The following ATP6V1C2 variants were observed in gnomAD, a reference collection of about 807,000 sequenced individuals.
The protein encoded by ATP6V1C2 is ATPase H+ transporting V1 subunit C2, also known as V-type proton ATPase subunit C 2.
A neutral mutation model predicts 56.8 loss-of-function variants in ATP6V1C2; 45 were observed. The observed-to-expected ratio is 0.79, with a 90% CI of 0.62 to 1.02. The LOEUF is 1.02. ATP6V1C2 is among the 50% of genes least tolerant of loss of function. The pLI, the probability that ATP6V1C2 is intolerant of heterozygous loss-of-function variation, is 0.00. For synonymous variants in ATP6V1C2, 220 were observed against 201.3 expected, an observed-to-expected ratio of 1.09 and a Z score of -0.79; for missense variants, 463 against 519.7, an observed-to-expected ratio of 0.89 and a Z score of 1.06.
At chr2:10,733,796 A>G (rs1374347771) in intron 3 of ATP6V1C2, among the ~76,000 whole-genome samples, 1 of 73,108 alleles carries the variant, frequency 1.4e-5, no homozygotes, top group Non-Finnish European at 2.3e-5. Flanking sequence ...GTGCTTGGTG[A>G]CCGTTGCTTG....
intron 3 of ATP6V1C2, among the ~76,000 whole-genome samples, chr2:10,735,040 G>A (rs1040307535): frequency 2.4e-4 from 37 of 152,078 alleles, no homozygotes; most frequent in African/African-American, 8.4e-4. Context: ...AGCCGTGATC[G>A]AGCCATTGCA....
At chr2:10,775,519 G>A (rs755428108) in intron 10 of ATP6V1C2, among the ~76,000 whole-genome samples, 11 of 152,182 alleles carry the variant, frequency 7.2e-5, no homozygotes, top group African/African-American at 2.4e-4. Flanking sequence ...GATTGCAGCC[G>A]TGAGGTTTCC....
chr2:10,738,752 C>A (rs1024313848), intron 3 of ATP6V1C2, among the ~76,000 whole-genome samples: 1 of 152,150 alleles, frequency 6.6e-6, no homozygotes, highest in South Asian at 2.1e-4. Flanking sequence ...ATTTGTGCAG[C>A]CTTCTGCCTA....
rs1473432555 is a variant in ATP6V1C2, at chr2:10,775,455, G to A, written c.825+384G>A. On this transcript the variant is annotated intron_variant, in intron 10 of 13. Transcript: ENST00000272238. The stretch of plus-strand genomic sequence containing the variant: ...GCCTTCCTTGGACTGAGCAAGGCAC[G>A]TGGGCTCCAGGCGGGAGCATCTGTG... Among the ~76,000 whole-genome samples the A allele has an allele frequency of 5.3e-5, 8 of 152,214 alleles. No homozygotes were observed. In the East Asian group the frequency reaches 7.7e-4, roughly 15 times the overall value.
intron 12 of ATP6V1C2, among the ~76,000 whole-genome samples, chr2:10,781,347 G>A (rs559462391): frequency 5.9e-5 from 9 of 152,162 alleles, no homozygotes; most frequent in Admixed American, 1.3e-4. Context: ...TGGTGGTGGC[G>A]GGCGCCTGTA....
intron 3 of ATP6V1C2, among the ~76,000 whole-genome samples, chr2:10,749,604 A>G (rs1375253704): frequency 1.3e-5 from 2 of 152,246 alleles, no homozygotes; most frequent in African/African-American, 2.4e-5. Flanking sequence ...GTGAGTGTAT[A>G]CTGACTTTGT....
chr2:10,744,665 TTTTC>T (rs1662772569), intron 3 of ATP6V1C2, among the ~76,000 whole-genome samples: 1 of 144,144 alleles, frequency 6.9e-6, no homozygotes, highest in Non-Finnish European at 1.5e-5. Flanking sequence ...TTTTTTCTCT[TTTTC>T]TTTTTTTTTT....
intron 4 of ATP6V1C2, among the ~76,000 whole-genome samples, chr2:10,757,130 G>A (rs1219420934): frequency 1.4e-5 from 2 of 144,874 alleles, no homozygotes; most frequent in Non-Finnish European, 3.0e-5. Flanking sequence ...CTCCTGCCTC[G>A]CCCTCCAGAG....
chr2:10,753,403 G>A (rs1327363522), intron 3 of ATP6V1C2, among the ~76,000 whole-genome samples: 1 of 152,098 alleles, frequency 6.6e-6, no homozygotes, highest in African/African-American at 2.4e-5. Flanking sequence ...CCTTCCAGCT[G>A]TCTCCAGTTC....
At position 10,784,654 on chromosome 2, in the gene ATP6V1C2, AAATG is replaced by A. The variant is rs776869506; in HGVS notation, c.*1395_*1398del. 2.4e-5 allele frequency: 12 copies of A among 509,142 alleles called. No individual in the cohort carries two copies. Among genetic ancestry groups the A allele is most frequent in the Non-Finnish European group, 3.4e-5 (10 of 290,556 alleles). 31.5% of individuals were successfully genotyped at this position (509,142 alleles called of 1,614,324 possible). On this transcript the variant is annotated 3_prime_UTR_variant, in exon 14 of 14. Transcript: ENST00000272238. ...ATTTTCTATTTTTCTAAGATAAAGT[AAATG>A]AATTCCAGGTTAAATGTTCACTTTA...
At chr2:10,747,388 A>G (rs1572540892) in intron 3 of ATP6V1C2, among the ~76,000 whole-genome samples, 1 of 152,164 alleles carries the variant, frequency 6.6e-6, no homozygotes, top group African/African-American at 2.4e-5. Context: ...CTGAACTCTG[A>G]ACTTCTTCAA....
intron 5 of ATP6V1C2, among the ~76,000 whole-genome samples, 186 bp downstream of exon 5, chr2:10,764,611 C>T (rs1664115336): frequency 6.6e-6 from 1 of 152,236 alleles, no homozygotes; most frequent in African/African-American, 2.4e-5. Context: ...GGGAAAGAGC[C>T]AGTCCCCTGG....
At chr2:10,743,791 C>G (rs993047777) in intron 3 of ATP6V1C2, among the ~76,000 whole-genome samples, 1 of 151,814 alleles carries the variant, frequency 6.6e-6, no homozygotes, top group Non-Finnish European at 1.5e-5. Flanking sequence ...TCAAGACCAG[C>G]CTGGCTAACA....
chr2:10,756,763 C>A (rs962663716), intron 4 of ATP6V1C2, among the ~76,000 whole-genome samples: 1 of 151,990 alleles, frequency 6.6e-6, no homozygotes, highest in African/African-American at 2.4e-5. Context: ...CAAATACTTA[C>A]CATGTGCTAC....
chr2:10,726,740 G>A (rs1378056749), intron 3 of ATP6V1C2, among the ~76,000 whole-genome samples, 171 bp downstream of exon 3: 8 of 152,124 alleles, frequency 5.3e-5, no homozygotes, highest in African/African-American at 1.4e-4. Flanking sequence ...GCAGGAGCCC[G>A]CCTGATCCCT....
intron 3 of ATP6V1C2, among the ~76,000 whole-genome samples, chr2:10,731,991 G>GA (rs372717221): frequency 5.3e-4 from 75 of 142,426 alleles, no homozygotes; most frequent in South Asian, 1.3e-3. Context: ...AAGAATAAAA[G>GA]AAAAAAAAAA....
chr2:10,779,687 G>GGAA lies in ATP6V1C2; in HGVS notation c.1061+1018_1061+1019insGAA, dbSNP rs1553335396. ...GGCAACAAGAGAAACTCCGGCTATA[G>GGAA]AAAAAAAAAAAAAAAAAAAACTTCA... On this transcript the variant is annotated intron_variant, in intron 12 of 13. Transcript: ENST00000272238. 8.9e-3 allele frequency among the ~76,000 whole-genome samples: 466 copies of GGAA among 52,098 alleles called. 6 individuals are homozygous for GGAA. The highest frequency in any genetic ancestry group is 0.034 in the African/African-American group (418 of 12,326). 34.2% of individuals were successfully genotyped at this position (52,098 alleles called of 152,430 possible). A position where few individuals can be genotyped will look rare whatever the true frequency, so the allele number is the denominator to read the frequency against.
At chr2:10,722,133 G>A (rs1028738491) in intron 1 of ATP6V1C2, among the ~76,000 whole-genome samples, 3 of 152,148 alleles carry the variant, frequency 2.0e-5, no homozygotes, top group Non-Finnish European at 4.4e-5. Flanking sequence ...AGGGGGAAAG[G>A]TGCGGGTGTG....
At position 10,785,024 on chromosome 2, in the gene ATP6V1C2, G is replaced by A. The variant is rs1334186423; in HGVS notation, c.*1761G>A. On this transcript the variant is annotated 3_prime_UTR_variant, in exon 14 of 14. Transcript: ENST00000272238. ...GTGCCGTGGAGCCACGCCCAAAAGA[G>A]AGCTCCCTTAGGGAAAAATGACCAA... 2 of 1,574,972 alleles carry A rather than the reference G, an allele frequency of 1.3e-6. No individual in the cohort carries two copies. The highest frequency in any genetic ancestry group is 1.2e-5 in the South Asian group (1 of 86,138).
Sources: allele counts gnomAD v4.1 joint callset (sites outside exome capture counted in the v4.1 genomes callset), GRCh38; gene constraint gnomAD v4.1.1; transcripts MANE v1.5; gene names NCBI Gene and HGNC (gene_info 2026-07-23, HGNC 2026-07-21).